TCERG1L: variants seen among roughly 807,000 people sequenced by gnomAD.
TCERG1L encodes the protein transcription elongation regulator 1-like protein.
In TCERG1L, 37 loss-of-function variants were observed where a neutral mutation model predicts 56.3. That is an observed-to-expected ratio of 0.66 (90% CI 0.51 to 0.87). The LOEUF is 0.87. Ranked by LOEUF, TCERG1L falls within the 40% of genes least tolerant of loss-of-function variation. The probability of loss-of-function intolerance (pLI) is 0.00; values close to 1 mark genes in which losing one functional copy is unlikely to be tolerated. For missense variants in TCERG1L, 799 were observed against 774.2 expected (o/e 1.03, Z -0.38); for synonymous variants, 324 against 326.3 (o/e 0.99, Z 0.08).
At chr10:131,254,228 CACAG>C (rs922096602) in intron 4 of TCERG1L, among the ~76,000 whole-genome samples, 1 of 151,756 alleles carries the variant, frequency 6.6e-6, no homozygotes, top group Non-Finnish European at 1.5e-5. Flanking sequence ...AGGTGGGTCA[CACAG>C]ACAGTGACCC....
intron 6 of TCERG1L, among the ~76,000 whole-genome samples, chr10:131,149,617 C>T (rs1334094899): frequency 4.6e-5 from 7 of 152,220 alleles, no homozygotes; most frequent in African/African-American, 1.7e-4. Context: ...CTGGTGATGA[C>T]CTGCTTCCCG....
At chr10:131,261,508 G>A (rs1327245196) in intron 3 of TCERG1L, among the ~76,000 whole-genome samples, 2 of 152,250 alleles carry the variant, frequency 1.3e-5, no homozygotes, top group Non-Finnish European at 2.9e-5. Flanking sequence ...AGGACGGTCA[G>A]TGGTCAGCAC....
intron 4 of TCERG1L, among the ~76,000 whole-genome samples, chr10:131,227,930 C>T (rs552797486): frequency 6.6e-6 from 1 of 152,144 alleles, no homozygotes; most frequent in Non-Finnish European, 1.5e-5. Context: ...AGGCATCTTC[C>T]TGCTCCCTGG....
rs138715394 is a variant in TCERG1L at position 131,214,464 on chromosome 10, C to G, written c.856+45795G>C. The stretch of plus-strand genomic sequence containing the variant: ...CCACCCCAGAGTTTGGAACCCCTTC[C>G]AAGAAAATTAGTCTTTCTATATGCT... On this transcript the variant is annotated intron_variant, in intron 4 of 11. Coordinates refer to ENST00000368642, the MANE Select transcript of TCERG1L (RefSeq NM_174937.4). 2.2e-3 allele frequency among the ~76,000 whole-genome samples: 333 copies of G among 152,300 alleles called. 1 individual carries two copies. The highest frequency in any genetic ancestry group is 7.3e-3 in the African/African-American group (304 of 41,572).
chr10:131,187,760 G>C (rs181274023), intron 4 of TCERG1L, among the ~76,000 whole-genome samples: 1 of 152,294 alleles, frequency 6.6e-6, no homozygotes, highest in Non-Finnish European at 1.5e-5. Flanking sequence ...TGTTCGCCTG[G>C]AGAGCTTTCA....
At chr10:131,233,490 T>A (rs1318819045) in intron 4 of TCERG1L, among the ~76,000 whole-genome samples, 1 of 149,920 alleles carries the variant, frequency 6.7e-6, no homozygotes. Flanking sequence ...GCACACACGC[T>A]CACACACACA....
intron 4 of TCERG1L, among the ~76,000 whole-genome samples, chr10:131,226,045 C>T (rs948926021): frequency 2.0e-5 from 3 of 152,116 alleles, no homozygotes; most frequent in Non-Finnish European, 2.9e-5. Flanking sequence ...TCAAGTGATC[C>T]TCCAGCCTCA....
chr10:131,154,632 C>G (rs985275518), intron 6 of TCERG1L, among the ~76,000 whole-genome samples: 3 of 152,208 alleles, frequency 2.0e-5, no homozygotes, highest in Non-Finnish European at 2.9e-5. Context: ...GTGGCCCAGG[C>G]CCATCCACCT....
rs116466216 is a variant in TCERG1L at position 131,119,224 on chromosome 10, A to G, written c.1260-2290T>C. Among the ~76,000 whole-genome samples the G allele has an allele frequency of 2.7e-3, 406 of 152,352 alleles. 3 individuals carry two copies. Among genetic ancestry groups the G allele is most frequent in the African/African-American group, 9.2e-3 (384 of 41,582 alleles). On this transcript the variant is annotated intron_variant, in intron 8 of 11. Coordinates refer to ENST00000368642, the MANE Select transcript of TCERG1L (RefSeq NM_174937.4). ...ACCATGTTTAGGATGTACTGAGAATATGCAATGCCTTATGTCTAACAAGAG... is the reference window on the plus strand; with the variant it reads ...ACCATGTTTAGGATGTACTGAGAATGTGCAATGCCTTATGTCTAACAAGAG...
At chr10:131,290,092 C>T (rs1287163076) in intron 3 of TCERG1L, among the ~76,000 whole-genome samples, 1 of 59,832 alleles carries the variant, frequency 1.7e-5, no homozygotes, top group Non-Finnish European at 3.3e-5. Flanking sequence ...CATCTCCTAT[C>T]GGTGTGTGTG....
chr10:131,206,821 G>A (rs1340450925), intron 4 of TCERG1L, among the ~76,000 whole-genome samples: 1 of 152,172 alleles, frequency 6.6e-6, no homozygotes, highest in Non-Finnish European at 1.5e-5. Flanking sequence ...AGATCATGAG[G>A]AGAGGGTGGG....
At chr10:131,155,166 G>A (rs183793235) in intron 6 of TCERG1L, among the ~76,000 whole-genome samples, 4 of 152,192 alleles carry the variant, frequency 2.6e-5, no homozygotes, top group East Asian at 1.9e-4. Flanking sequence ...CACCAACAAC[G>A]GAGGCTTCTT....
At chr10:131,123,693 G>C (rs1406255967) in intron 8 of TCERG1L, among the ~76,000 whole-genome samples, 1 of 152,064 alleles carries the variant, frequency 6.6e-6, no homozygotes, top group African/African-American at 2.4e-5. Flanking sequence ...TCGCTTCTCT[G>C]CTTGCCCGGC....
rs115150003 is a variant in TCERG1L, at chr10:131,207,335, C to G, written c.857-40450G>C. The stretch of plus-strand genomic sequence containing the variant: ...AGTGTCACCTGGTTTCACGCGCAGG[C>G]CTGGTGGACAGGCGTCTTGCTGCCG... On this transcript the variant is annotated intron_variant, in intron 4 of 11. Transcript: ENST00000368642. 2.3e-3 allele frequency among the ~76,000 whole-genome samples: 357 copies of G among 152,336 alleles called. 1 individual carries two copies. Among genetic ancestry groups the G allele is most frequent in the African/African-American group, 8.3e-3 (344 of 41,582 alleles).
At chr10:131,111,054 A>C (rs1428744256) in intron 9 of TCERG1L, among the ~76,000 whole-genome samples, 1 of 143,518 alleles carries the variant, frequency 7.0e-6, no homozygotes, top group Non-Finnish European at 1.6e-5. Context: ...AAAAGGGCGA[A>C]AGCTAGCAAA....
chr10:131,170,277 A>G (rs1846075669), intron 4 of TCERG1L, among the ~76,000 whole-genome samples: 1 of 152,074 alleles, frequency 6.6e-6, no homozygotes. Flanking sequence ...CCACTCTGAC[A>G]TGCTTAAGTA....
At chr10:131,249,010 G>A (rs547482772) in intron 4 of TCERG1L, among the ~76,000 whole-genome samples, 2 of 152,308 alleles carry the variant, frequency 1.3e-5, no homozygotes, top group South Asian at 2.1e-4. Flanking sequence ...GCACAGAGGC[G>A]ATGCCTCTGA....
rs748091063 is a variant in TCERG1L, at chr10:131,163,199, C to T, written c.957G>A (p.Pro319=). 1.2e-5 allele frequency: 18 copies of T among 1,550,632 alleles called. No individual in the cohort carries two copies. The highest frequency in any genetic ancestry group is 1.4e-5 in the Non-Finnish European group (16 of 1,148,410). ...TGCTGTCCTCTCCTCCCCCCAGCAT[C>T]GGTGGAGGCTCCTTTCAACAGAAAG... ...DGDKEDKEPP[P]MLGGGEDSTA... is the part of the protein sequence containing the mutation. Residue 319 remains proline, a synonymous_variant, in exon 6 of 12, where the codon CCG becomes CCA. Transcript: ENST00000368642.
At position 131,096,764 on chromosome 10, in the gene TCERG1L, G is replaced by A. The variant is rs189281778; in HGVS notation, c.1604+1542C>T. On this transcript the variant is annotated intron_variant, in intron 11 of 11. Coordinates refer to ENST00000368642, the MANE Select transcript of TCERG1L (RefSeq NM_174937.4). ...TCTACTAAAAATACAAAAATTAGCC[G>A]GGTGTGGTGGTGGGCACCTGTAGTC... 3.2e-3 allele frequency among the ~76,000 whole-genome samples: 487 copies of A among 152,032 alleles called. 2 individuals carry two copies. The highest frequency in any genetic ancestry group is 0.011 in the African/African-American group (468 of 41,472).
Sources: allele counts gnomAD v4.1 joint callset (sites outside exome capture counted in the v4.1 genomes callset), GRCh38; gene constraint gnomAD v4.1.1; transcripts MANE v1.5; gene names NCBI Gene and HGNC (gene_info 2026-07-23, HGNC 2026-07-21).